The following GNA11 variants were observed in gnomAD, a reference collection of about 807,000 sequenced individuals.
The protein encoded by GNA11 is guanine nucleotide-binding protein subunit alpha-11.
Under a neutral mutation model 38.2 loss-of-function variants are expected in GNA11, and 8 were observed. That is an observed-to-expected ratio of 0.21 (90% confidence interval 0.12 to 0.38). GNA11 has a LOEUF of 0.38. Among genes scored for constraint, GNA11 ranks in the 10% least tolerant of loss-of-function variants. The pLI is 1.00. For missense variants in GNA11, 268 were observed against 516.3 expected, an observed-to-expected ratio of 0.52 and a Z score of 4.66; for synonymous variants, 211 against 221.4, an observed-to-expected ratio of 0.95 and a Z score of 0.42.
chr19:3,111,424 C>A (rs1304968418), intron 2 of GNA11, among the ~76,000 whole-genome samples: 1 of 152,140 alleles, frequency 6.6e-6, no homozygotes, highest in Non-Finnish European at 1.5e-5. Flanking sequence ...CGCCATGTGG[C>A]CTTTTGTGTC....
chr19:3,104,852 C>A (rs866713153), intron 1 of GNA11, among the ~76,000 whole-genome samples: 1 of 152,194 alleles, frequency 6.6e-6, no homozygotes. Context: ...GCTTCCTGAA[C>A]GCCGGGCTCT....
rs1913667064 is a variant in GNA11 at position 3,107,515 on chromosome 19, A to G, written c.137-2634A>G. 2.6e-5 allele frequency among the ~76,000 whole-genome samples: 4 copies of G among 152,298 alleles called. No homozygotes were observed. The South Asian group carries it at 8.3e-4, about 32-fold the overall frequency. The stretch of plus-strand genomic sequence containing the variant: ...GGCCTGTGCTGGGGTGCAGGCTTGC[A>G]GTGTGTGCTGGTCTCGTGTCAGGTG... On this transcript the variant is annotated intron_variant, in intron 1 of 6. Transcript: ENST00000078429.
chr19:3,101,563 T>C (rs1823202720), intron 1 of GNA11, among the ~76,000 whole-genome samples: 1 of 88 alleles, frequency 0.011, no homozygotes, highest in African/African-American at 0.056. Flanking sequence ...AGAGGGGGCC[T>C]GGGCTCCGGA....
intron 1 of GNA11, among the ~76,000 whole-genome samples, chr19:3,106,020 C>T (rs1913630765): frequency 6.6e-6 from 1 of 152,128 alleles, no homozygotes; most frequent in African/African-American, 2.4e-5. Flanking sequence ...TTCCAGTGGG[C>T]AGCTGTTGAA....
chr19:3,109,505 G>A (rs934018933), intron 1 of GNA11, among the ~76,000 whole-genome samples: 9 of 152,362 alleles, frequency 5.9e-5, no homozygotes, highest in South Asian at 4.1e-4. Flanking sequence ...GCGTGGAGAC[G>A]TAAAGGGGTT....
Position 3,120,533 on chromosome 19 carries a change from T to C in GNA11, c.890-456T>C, listed in dbSNP as rs1914043589. ...CAGCGCCCCTGCTGGAGCCCCTGGA[T>C]GTCTCTGAGGCCTGGCTGCAGCAGG... On this transcript the variant is annotated intron_variant, in intron 6 of 6. Coordinates refer to ENST00000078429, the MANE Select transcript of GNA11 (RefSeq NM_002067.5). The surrounding 1 kb of genome is among the most constrained non-coding windows in gnomAD (Gnocchi z 5.9). Among the ~76,000 whole-genome samples the C allele has an allele frequency of 6.6e-6, 1 of 151,912 alleles. No individual in the cohort carries two copies. Among genetic ancestry groups the C allele is most frequent in the African/African-American group, 2.4e-5 (1 of 41,362 alleles).
In GNA11 at chr19:3,112,971, C is replaced by T. The variant is rs3859560; in HGVS notation, c.322-359C>T. Among the ~76,000 whole-genome samples, 567 of 152,320 alleles carry T rather than the reference C, an allele frequency of 3.7e-3. 6 individuals carry two copies. The highest frequency in any genetic ancestry group is 0.012 in the Admixed American group (188 of 15,304). On this transcript the variant is annotated intron_variant, in intron 2 of 6. Transcript: ENST00000078429. Reference sequence around the variant, plus strand: ...TGTCGTCGTGCTTGGTCGTGCTCGGCGCTGCACTGCCCTCCTGTGGGTCCT... The same window carrying T: ...TGTCGTCGTGCTTGGTCGTGCTCGGTGCTGCACTGCCCTCCTGTGGGTCCT...
chr19:3,115,892 A>G (rs1329806812), intron 4 of GNA11, among the ~76,000 whole-genome samples: 1 of 47,418 alleles, frequency 2.1e-5, no homozygotes, highest in African/African-American at 7.5e-5. Context: ...GAGGGGTCAT[A>G]GGGGCCGAGG....
At chr19:3,100,568 G>T (rs762626064) in intron 1 of GNA11, among the ~76,000 whole-genome samples, 2 of 152,198 alleles carry the variant, frequency 1.3e-5, no homozygotes, top group South Asian at 4.1e-4. Context: ...TCTGGTGCAC[G>T]CCAGGGGTCT....
chr19:3,112,574 CAT>C (rs765698001), intron 2 of GNA11, among the ~76,000 whole-genome samples: 3 of 152,254 alleles, frequency 2.0e-5, no homozygotes, highest in Non-Finnish European at 4.4e-5. Context: ...AGGGTGTTCA[CAT>C]GTGTGTGCAA....
intron 4 of GNA11, 96 bp downstream of exon 4, chr19:3,115,168 C>A (rs2145321522): frequency 1.4e-6 from 2 of 1,410,190 alleles, no homozygotes; most frequent in Non-Finnish European, 2.0e-6. Context: ...CTTTGGGAGG[C>A]CAAGGCGGGA....
In GNA11 at chr19:3,094,447, G is replaced by A. The variant is rs1187126151; in HGVS notation, c.-205G>A. On this transcript the variant is annotated 5_prime_UTR_variant, in exon 1 of 7. Transcript: ENST00000078429. This position sits in a 1 kb window ranked among gnomAD's most constrained non-coding sequence, Gnocchi z 6.0. ...GCGCGGGCTGAGTGCGGCCGCGCGG[G>A]AGTCCGCGGCTGGCGCGGCCCGAGC... 2 of 147,000 alleles carry A rather than the reference G, an allele frequency of 1.4e-5. No homozygotes were observed. The highest frequency in any genetic ancestry group is 3.0e-5 in the Non-Finnish European group (2 of 65,842). The allele number at this position is 147,000 out of a possible 1,614,324, so 9.1% of individuals were successfully genotyped here. A position where few individuals can be genotyped will look rare whatever the true frequency, so the allele number is the denominator to read the frequency against.
rs1321424736 is a variant in GNA11 at position 3,121,125 on chromosome 19, G to C, written c.1026G>C (p.Ala342=). The change falls in exon 7 of 7, where the codon GCG becomes GCC. Residue 342 remains alanine (A), a synonymous_variant. Coordinates refer to ENST00000078429, the MANE Select transcript of GNA11 (RefSeq NM_002067.5). ...TDTENIRFVF[A]AVKDTILQLN... Reference sequence around the variant, plus strand: ...CGGAGAACATCCGCTTCGTGTTCGCGGCCGTGAAGGACACCATCCTGCAGC... The same window carrying C: ...CGGAGAACATCCGCTTCGTGTTCGCCGCCGTGAAGGACACCATCCTGCAGC... 1 of 1,613,732 alleles carries C rather than the reference G, an allele frequency of 6.2e-7. No homozygotes were observed. Among genetic ancestry groups the C allele is most frequent in the South Asian group, 1.1e-5 (1 of 91,074 alleles).
At position 3,112,207 on chromosome 19, in the gene GNA11, G is replaced by A. The variant is rs536487423; in HGVS notation, c.322-1123G>A. Among the ~76,000 whole-genome samples, 37 of 152,338 alleles carry A rather than the reference G, an allele frequency of 2.4e-4. 1 individual carries two copies. Among genetic ancestry groups the A allele is most frequent in the South Asian group, 2.1e-3 (10 of 4,830 alleles). On this transcript the variant is annotated intron_variant, in intron 2 of 6. Coordinates refer to ENST00000078429, the MANE Select transcript of GNA11 (RefSeq NM_002067.5). The stretch of plus-strand genomic sequence containing the variant: ...TAATCTGGAAGTTTCCAGGGAGTGG[G>A]ATTTTTGGGGTTTGTGTCTCTTTTT...
intron 1 of GNA11, among the ~76,000 whole-genome samples, chr19:3,097,188 G>A (rs1184714955): frequency 1.3e-5 from 2 of 149,874 alleles, no homozygotes; most frequent in African/African-American, 2.4e-5. Flanking sequence ...CTCCCCGGAA[G>A]GAAGGGGCTG....
Position 3,108,180 on chromosome 19 carries a change from G to A in GNA11, c.137-1969G>A, listed in dbSNP as rs1040681325. Among the ~76,000 whole-genome samples, 2 of 152,148 alleles carry A rather than the reference G, an allele frequency of 1.3e-5. No individual in the cohort carries two copies. Among genetic ancestry groups the A allele is most frequent in the Non-Finnish European group, 2.9e-5 (2 of 68,024 alleles). ...CTGTGGGCAGTTCCTGGGCTTTGTCGAGGGCCTCCCGAAGGCAGCACTGTG... is the reference window on the plus strand; with the variant it reads ...CTGTGGGCAGTTCCTGGGCTTTGTCAAGGGCCTCCCGAAGGCAGCACTGTG... On this transcript the variant is annotated intron_variant, in intron 1 of 6. Coordinates refer to ENST00000078429, the MANE Select transcript of GNA11 (RefSeq NM_002067.5). This position sits in a 1 kb window ranked among gnomAD's most constrained non-coding sequence, Gnocchi z 4.5.
chr19:3,099,384 G>A (rs945488026), intron 1 of GNA11, among the ~76,000 whole-genome samples: 1 of 152,174 alleles, frequency 6.6e-6, no homozygotes, highest in African/African-American at 2.4e-5. Flanking sequence ...GATTAGGGGC[G>A]GCCAGGGGCT....
At chr19:3,109,284 T>C (rs1913708165) in intron 1 of GNA11, among the ~76,000 whole-genome samples, 2 of 152,104 alleles carry the variant, frequency 1.3e-5, no homozygotes, top group Admixed American at 6.5e-5. Context: ...AGGACCCCCA[T>C]GTCACCCAGA....
At chr19:3,098,656 C>CGGGATCCAGCATGGGGTGCGG (rs1568278556) in intron 1 of GNA11, among the ~76,000 whole-genome samples, 1 of 152,220 alleles carries the variant, frequency 6.6e-6, no homozygotes, top group East Asian at 1.9e-4. Flanking sequence ...TGACAAGGCC[C>CGGGATCCAGCATGGGGTGCGG]GGGATCCAGC....
Sources: gnomAD v4.1 joint callset for allele counts (sites outside exome capture counted in the v4.1 genomes callset) on GRCh38, gnomAD v4.1.1 for gene constraint, Gnocchi (gnomAD v3.1) non-coding constraint, MANE v1.5 for transcripts, NCBI Gene and HGNC (gene_info 2026-07-23, HGNC 2026-07-21) for gene names.